The following FGD4 variants were observed in gnomAD, a reference collection of about 807,000 sequenced individuals.
FGD4 encodes the protein FYVE, RhoGEF and PH domain containing 4.
Under a neutral mutation model 102.0 loss-of-function variants are expected in FGD4, and 42 were observed. The observed-to-expected ratio is 0.41, with a 90% CI of 0.32 to 0.53. The LOEUF is 0.53. Among genes scored for constraint, FGD4 ranks in the 20% least tolerant of loss-of-function variants. The probability of loss-of-function intolerance (pLI) is 0.21; values close to 1 mark genes in which losing one functional copy is unlikely to be tolerated. For synonymous variants in FGD4, 380 were observed against 375.7 expected (o/e 1.01, Z -0.13); for missense variants, 902 against 1,078.2 (o/e 0.84, Z 2.29).
chr12:32,581,217 G>T (rs2136425341), intron 3 of FGD4, among the ~76,000 whole-genome samples: 1 of 152,302 alleles, frequency 6.6e-6, no homozygotes, highest in Admixed American at 6.5e-5. Flanking sequence ...GGAGCAGCAA[G>T]GAGTATGGCA....
intron 1 of FGD4, among the ~76,000 whole-genome samples, chr12:32,528,126 A>G (rs1941442242): frequency 6.6e-6 from 1 of 151,562 alleles, no homozygotes; most frequent in Non-Finnish European, 1.5e-5. Flanking sequence ...TTTAGTAGAG[A>G]GGGTTTCACC....
intron 1 of FGD4, among the ~76,000 whole-genome samples, chr12:32,443,534 GTTTTT>G (rs1178483915): frequency 8.4e-6 from 1 of 118,360 alleles, no homozygotes. Flanking sequence ...TGTGTTTTAG[GTTTTT>G]TTTTTTTTTT....
At chr12:32,536,916 C>T (rs572618485) in intron 1 of FGD4, among the ~76,000 whole-genome samples, 1 of 151,246 alleles carries the variant, frequency 6.6e-6, no homozygotes, top group Non-Finnish European at 1.5e-5. Flanking sequence ...TCTTTTTTTT[C>T]TCTCTCTCTT....
chr12:32,633,478 C>A, intron 14 of FGD4, 71 bp from the exon 15 acceptor site: 1 of 1,475,730 alleles, frequency 6.8e-7, no homozygotes, highest in Non-Finnish European at 9.3e-7. Context: ...TTTATTATTA[C>A]CTATAACTGA....
Position 32,477,287 on chromosome 12 carries a change from C to CA in FGD4, c.166+77341dup, listed in dbSNP as rs754686282. 4.0e-3 allele frequency: 484 copies of CA among 121,254 alleles called. 3 individuals carry two copies. The highest frequency in any genetic ancestry group is 0.018 in the Admixed American group (213 of 12,126). 7.5% of individuals were successfully genotyped at this position (121,254 alleles called of 1,614,324 possible). On this transcript the variant is annotated intron_variant, in intron 1 of 16. Coordinates refer to ENST00000534526, the MANE Select transcript of FGD4 (RefSeq NM_001370298.3). ...AGGTGACTAGAGTGAGACTCCGTCTCAAAAAAAAAAAAACCTTGAAGATCT... is the reference window on the plus strand; with the variant it reads ...AGGTGACTAGAGTGAGACTCCGTCTCAAAAAAAAAAAAAACCTTGAAGATCT...
chr12:32,562,815 T>A (rs919252341), intron 1 of FGD4, among the ~76,000 whole-genome samples: 7 of 152,274 alleles, frequency 4.6e-5, no homozygotes, highest in Admixed American at 1.3e-4. Flanking sequence ...GTCTACTTCT[T>A]TCTACACAGA....
At chr12:32,452,453 T>C (rs1275623406) in intron 1 of FGD4, among the ~76,000 whole-genome samples, 1 of 152,268 alleles carries the variant, frequency 6.6e-6, no homozygotes, top group African/African-American at 2.4e-5. Context: ...TAAATATTGG[T>C]AGACAAGTAG....
intron 1 of FGD4, among the ~76,000 whole-genome samples, chr12:32,468,951 G>C (rs1392394524): frequency 6.6e-6 from 1 of 151,166 alleles, no homozygotes; most frequent in Non-Finnish European, 1.5e-5. Flanking sequence ...TCAGCCTCCC[G>C]AGTAGCTGGG....
chr12:32,644,743 T>A lies in FGD4; in HGVS notation c.*4210T>A, dbSNP rs537262007. On this transcript the variant is annotated 3_prime_UTR_variant, in exon 17 of 17. Transcript: ENST00000534526. Reference sequence around the variant, plus strand: ...CAGAAGGGATATAAAATCTATGTAATTACATGCTGATGGGATCCATTGCAC... The same window carrying A: ...CAGAAGGGATATAAAATCTATGTAAATACATGCTGATGGGATCCATTGCAC... The A allele has an allele frequency of 3.3e-5, 5 of 152,302 alleles. No homozygotes were observed. In the South Asian group the frequency reaches 1.0e-3, roughly 32 times the overall value. The allele number at this position is 152,302 out of a possible 1,614,324, so 9.4% of individuals were successfully genotyped here. A position where few individuals can be genotyped will look rare whatever the true frequency, so the allele number is the denominator to read the frequency against.
intron 3 of FGD4, among the ~76,000 whole-genome samples, chr12:32,577,926 GC>G: frequency 6.6e-6 from 1 of 152,252 alleles, no homozygotes; most frequent in African/African-American, 2.4e-5. Flanking sequence ...ACTCTCTGAA[GC>G]CTGGAAAGGG....
At chr12:32,587,310 C>T (rs1029351072) in intron 4 of FGD4, among the ~76,000 whole-genome samples, 24 of 151,980 alleles carry the variant, frequency 1.6e-4, no homozygotes, top group South Asian at 4.2e-4. Context: ...AGCTAGGTGA[C>T]CACTGACACA....
intron 3 of FGD4, among the ~76,000 whole-genome samples, chr12:32,579,039 G>GTTTTTTT (rs35186090): frequency 0.014 from 937 of 66,130 alleles, 80 homozygotes; most frequent in Middle Eastern, 0.031. Flanking sequence ...AACATTAGTG[G>GTTTTTTT]TTTTTTTTTT....
intron 1 of FGD4, among the ~76,000 whole-genome samples, chr12:32,449,344 A>G (rs1224780694): frequency 2.0e-5 from 3 of 152,362 alleles, no homozygotes; most frequent in South Asian, 4.1e-4. Context: ...CCTTCATGGC[A>G]AAAGGATCAA....
chr12:32,559,771 C>T (rs1944392343), intron 1 of FGD4, among the ~76,000 whole-genome samples: 1 of 152,142 alleles, frequency 6.6e-6, no homozygotes, highest in Non-Finnish European at 1.5e-5. Context: ...TTAGGTAAGA[C>T]ATGTTTTATT....
At chr12:32,534,578 T>C (rs1942081821) in intron 1 of FGD4, 4 of 842,144 alleles carry the variant, frequency 4.7e-6, no homozygotes, top group Non-Finnish European at 6.7e-6. Context: ...TGCCGAGGGA[T>C]GTAAAAGTGG....
intron 15 of FGD4, among the ~76,000 whole-genome samples, chr12:32,636,734 A>C (rs1950841300): frequency 1.3e-5 from 2 of 152,174 alleles, no homozygotes; most frequent in East Asian, 1.9e-4. Context: ...CTGGAGACCA[A>C]CATGAATAAC....
chr12:32,622,197 C>A (rs1949883879), intron 11 of FGD4, among the ~76,000 whole-genome samples: 1 of 152,120 alleles, frequency 6.6e-6, no homozygotes, highest in Non-Finnish European at 1.5e-5. Context: ...ATCAGTAGTT[C>A]TGATCATCAT....
intron 1 of FGD4, among the ~76,000 whole-genome samples, chr12:32,460,282 C>A (rs971643733): frequency 6.6e-6 from 1 of 152,122 alleles, no homozygotes; most frequent in South Asian, 2.1e-4. Context: ...GAAGTCGAGG[C>A]GGGAGGTTTG....
At chr12:32,470,779 C>T (rs1432791209) in intron 1 of FGD4, among the ~76,000 whole-genome samples, 1 of 152,134 alleles carries the variant, frequency 6.6e-6, no homozygotes, top group Admixed American at 6.5e-5. Context: ...CTTGTCTCTT[C>T]CCACCAATTG....
Sources: gnomAD v4.1 joint callset for allele counts (sites outside exome capture counted in the v4.1 genomes callset) on GRCh38, gnomAD v4.1.1 for gene constraint, MANE v1.5 for transcripts, NCBI Gene and HGNC (gene_info 2026-07-23, HGNC 2026-07-21) for gene names.